Variants in CNNM1 observed in about 807,000 individuals in gnomAD.
CNNM1 encodes the protein cyclin and CBS domain divalent metal cation transport mediator 1.
A neutral mutation model predicts 78.8 loss-of-function variants in CNNM1; 44 were observed. That is an observed-to-expected ratio of 0.56 (90% CI 0.44 to 0.72). The LOEUF (loss-of-function observed/expected upper bound fraction) is 0.72. Among genes scored for constraint, CNNM1 ranks in the 30% least tolerant of loss-of-function variants. The pLI, the probability that CNNM1 is intolerant of heterozygous loss-of-function variation, is 0.00. For synonymous variants in CNNM1, 584 were observed against 581.5 expected, an observed-to-expected ratio of 1.00 and a Z score of -0.06; for missense variants, 1,101 against 1,292.2, an observed-to-expected ratio of 0.85 and a Z score of 2.27.
Position 99,329,783 on chromosome 10 carries a change from C to T in CNNM1, c.396C>T (p.Arg132=), listed in dbSNP as rs1377136631. 1.3e-6 allele frequency: 2 copies of T among 1,488,712 alleles called. No homozygotes were observed. The highest frequency in any genetic ancestry group is 2.9e-5 in the African/African-American group (2 of 68,440). The allele number at this position is 1,488,712 out of a possible 1,614,324, so 92.2% of individuals were successfully genotyped here. Reference sequence around the variant, plus strand: ...CCACTCGCCCCCCGGGACCGCAGCGCTGCAGGGAGCAGAGCGACTGGGCAT... The same window carrying T: ...CCACTCGCCCCCCGGGACCGCAGCGTTGCAGGGAGCAGAGCGACTGGGCAT... ...AVPTRPPGPQ[R]CREQSDWASD... The change falls in exon 1 of 11, where the codon CGC becomes CGT. Residue 132 remains arginine, a synonymous_variant. Transcript: ENST00000356713.
intron 1 of CNNM1, among the ~76,000 whole-genome samples, chr10:99,345,917 A>G (rs1383619014): frequency 6.6e-6 from 1 of 152,052 alleles, no homozygotes; most frequent in Admixed American, 6.6e-5. Context: ...GTGGTGTCGA[A>G]CTCATGGCCT....
chr10:99,340,876 T>TCCTTCCTTCCTGCCTG lies in CNNM1; in HGVS notation c.1573+9919_1573+9920insTCCTTCCTGCCTGCCT, dbSNP rs71009744. On this transcript the variant is annotated intron_variant, in intron 1 of 10. Transcript: ENST00000356713. ...CTCCTTCCCCGCTTCCTTCCTTCCT[T>TCCTTCCTTCCTGCCTG]CCTGCCTGCCTGCCTGCCTGCCTGC... 4.3e-3 allele frequency among the ~76,000 whole-genome samples: 601 copies of TCCTTCCTTCCTGCCTG among 138,236 alleles called. 6 individuals are homozygous for TCCTTCCTTCCTGCCTG. The highest frequency in any genetic ancestry group is 0.014 in the Middle Eastern group (4 of 288). The allele number at this position is 138,236 out of a possible 152,430, so 90.7% of individuals were successfully genotyped here. A position where few individuals can be genotyped will look rare whatever the true frequency, so the allele number is the denominator to read the frequency against.
chr10:99,341,994 T>C (rs1376028152), intron 1 of CNNM1, among the ~76,000 whole-genome samples: 1 of 152,214 alleles, frequency 6.6e-6, no homozygotes, highest in Non-Finnish European at 1.5e-5. Context: ...TTTTTTTCTG[T>C]CCTCTGGCTG....
intron 1 of CNNM1, among the ~76,000 whole-genome samples, chr10:99,357,303 A>G (rs2031256422): frequency 6.6e-6 from 1 of 152,244 alleles, no homozygotes; most frequent in Non-Finnish European, 1.5e-5. Flanking sequence ...AACTTCCCTA[A>G]ATAGAAACAC....
At chr10:99,363,914 T>G (rs2031521815) in intron 4 of CNNM1, among the ~76,000 whole-genome samples, 1 of 151,908 alleles carries the variant, frequency 6.6e-6, no homozygotes, top group South Asian at 2.1e-4. Context: ...CCAGCTAATT[T>G]TTGTATGTTT....
At chr10:99,381,643 G>A (rs1407161432) in intron 7 of CNNM1, among the ~76,000 whole-genome samples, 1 of 151,738 alleles carries the variant, frequency 6.6e-6, no homozygotes, top group Non-Finnish European at 1.5e-5. Context: ...TCGGGAGGCT[G>A]AGGCAGGAGA....
intron 1 of CNNM1, among the ~76,000 whole-genome samples, chr10:99,342,486 G>A (rs1003296842): frequency 2.0e-5 from 3 of 152,280 alleles, no homozygotes; most frequent in Non-Finnish European, 4.4e-5. Flanking sequence ...TGTGATAAAG[G>A]TGTTGATTAT....
intron 7 of CNNM1, among the ~76,000 whole-genome samples, chr10:99,387,182 G>A (rs1344861068): frequency 6.6e-6 from 1 of 152,188 alleles, no homozygotes; most frequent in East Asian, 1.9e-4. Context: ...CTCCTGTCTG[G>A]TCTGGCTGCA....
intron 10 of CNNM1, among the ~76,000 whole-genome samples, chr10:99,391,061 A>G (rs1031433641): frequency 6.6e-6 from 1 of 152,240 alleles, no homozygotes; most frequent in South Asian, 2.1e-4. Context: ...TTCATGGGAC[A>G]TCAAAGTCTA....
intron 1 of CNNM1, among the ~76,000 whole-genome samples, chr10:99,350,681 A>T (rs1477248311): frequency 6.6e-6 from 1 of 152,134 alleles, no homozygotes; most frequent in Non-Finnish European, 1.5e-5. Context: ...CAGGATGTGT[A>T]GGTTTGTTAC....
At chr10:99,348,938 C>T (rs1292797982) in intron 1 of CNNM1, among the ~76,000 whole-genome samples, 1 of 152,094 alleles carries the variant, frequency 6.6e-6, no homozygotes, top group Non-Finnish European at 1.5e-5. Context: ...GGCCTGCTGG[C>T]TTGAGTCTGT....
At chr10:99,346,561 A>T (rs879287364) in intron 1 of CNNM1, among the ~76,000 whole-genome samples, 7 of 152,176 alleles carry the variant, frequency 4.6e-5, no homozygotes, top group Admixed American at 3.9e-4. Context: ...CGATTATTTC[A>T]TTCATTCTCC....
rs542956916 is a variant in CNNM1, at chr10:99,388,341, C to G, written c.2674+40C>G. 311 of 1,598,494 alleles carry G rather than the reference C, an allele frequency of 1.9e-4. 2 individuals carry two copies. In the South Asian group the frequency reaches 3.2e-3, roughly 17 times the overall value. ...CTGGGCCCAGTGCAGCAAGGGAGAT[C>G]ATTGCCTTTGGGCACTGGGATGGCC... On this transcript the variant is annotated intron_variant, in intron 9 of 10. Coordinates refer to ENST00000356713, the MANE Select transcript of CNNM1 (RefSeq NM_020348.3).
rs1451754777 is a variant in CNNM1 at position 99,390,313 on chromosome 10, T to C, written c.2682T>C (p.Asp894=). The C allele has an allele frequency of 2.0e-5, 32 of 1,611,602 alleles. No homozygotes were observed. Among genetic ancestry groups the C allele is most frequent in the Non-Finnish European group, 2.5e-5 (30 of 1,178,720 alleles). ...TCTCCTTTCCTTTCTCAGCATCAGA[T>C]AGTGAATGTTGTAACATCAACCTGG... ...PAAVPTRAAS[D]SECCNINLDT... Residue 894 remains aspartate, a synonymous_variant, in exon 10 of 11, where the codon GAT becomes GAC. Coordinates refer to ENST00000356713, the MANE Select transcript of CNNM1 (RefSeq NM_020348.3).
chr10:99,379,343 A>C lies in CNNM1; in HGVS notation c.2340+2125A>C, dbSNP rs78999129. ...CGGGTCGTAATAATAAGGGCTGTGAAGGAAATAAAGAGGTAATTGGGATCA... is the reference window on the plus strand; with the variant it reads ...CGGGTCGTAATAATAAGGGCTGTGACGGAAATAAAGAGGTAATTGGGATCA... On this transcript the variant is annotated intron_variant, in intron 7 of 10. Coordinates refer to ENST00000356713, the MANE Select transcript of CNNM1 (RefSeq NM_020348.3). Among the ~76,000 whole-genome samples the C allele has an allele frequency of 2.3e-3, 356 of 152,344 alleles. 2 individuals carry two copies. Among genetic ancestry groups the C allele is most frequent in the African/African-American group, 8.1e-3 (338 of 41,578 alleles).
chr10:99,355,896 C>T (rs2031125560), intron 1 of CNNM1, among the ~76,000 whole-genome samples: 1 of 152,174 alleles, frequency 6.6e-6, no homozygotes, highest in African/African-American at 2.4e-5. Context: ...AAAATGAAGT[C>T]TATGAAATCT....
At chr10:99,335,844 G>A (rs1360819646) in intron 1 of CNNM1, among the ~76,000 whole-genome samples, 7 of 152,196 alleles carry the variant, frequency 4.6e-5, no homozygotes, top group Admixed American at 3.9e-4. Flanking sequence ...CTTGCATGTG[G>A]GTGCCTTCTC....
At chr10:99,331,558 G>A (rs1009376062) in intron 1 of CNNM1, among the ~76,000 whole-genome samples, 1 of 152,172 alleles carries the variant, frequency 6.6e-6, no homozygotes. Flanking sequence ...GGTATTGATT[G>A]CACACATATC....
chr10:99,390,171 C>T (rs1245814763), intron 9 of CNNM1, 135 bp from the exon 10 acceptor site: 1 of 630,814 alleles, frequency 1.6e-6, no homozygotes, highest in Non-Finnish European at 2.8e-6. Context: ...GCGTCCCTGC[C>T]TTGTTACACC....
Sources: allele counts gnomAD v4.1 joint callset (sites outside exome capture counted in the v4.1 genomes callset), GRCh38; gene constraint gnomAD v4.1.1; transcripts MANE v1.5; gene names NCBI Gene and HGNC (gene_info 2026-07-23, HGNC 2026-07-21).